ASPH: variants seen among roughly 807,000 people sequenced by gnomAD.
ASPH encodes the protein aspartate beta-hydroxylase.
In ASPH, 100 loss-of-function variants were observed where a neutral mutation model predicts 118.4. The ratio of observed to expected loss-of-function variants is 0.84; its 90% CI spans 0.72 to 1.00. The LOEUF is 1.00. ASPH is among the 50% of genes least tolerant of loss of function. The probability of loss-of-function intolerance (pLI) is 0.00; values close to 1 mark genes in which losing one functional copy is unlikely to be tolerated. For missense variants in ASPH, 920 were observed against 919.5 expected (o/e 1.00, Z -0.01); for synonymous variants, 315 against 325.6 (o/e 0.97, Z 0.35).
At chr8:61,611,973 T>G (rs1847517249) in intron 14 of ASPH, among the ~76,000 whole-genome samples, 1 of 151,346 alleles carries the variant, frequency 6.6e-6, no homozygotes, top group Non-Finnish European at 1.5e-5. Context: ...AATCCAGTTT[T>G]CAACCAAAAA....
At chr8:61,634,350 C>T (rs548912063) in intron 12 of ASPH, among the ~76,000 whole-genome samples, 1 of 152,204 alleles carries the variant, frequency 6.6e-6, no homozygotes, top group South Asian at 2.1e-4. Context: ...ATTACCTTAA[C>T]CTAGAGATAA....
At chr8:61,533,408 T>C (rs1218189768) in intron 21 of ASPH, among the ~76,000 whole-genome samples, 2 of 152,190 alleles carry the variant, frequency 1.3e-5, no homozygotes, top group African/African-American at 4.8e-5. Flanking sequence ...TATTATTTTG[T>C]TTTTCTTTTG....
intron 1 of ASPH, among the ~76,000 whole-genome samples, chr8:61,698,274 T>C (rs1834403651): frequency 6.6e-6 from 1 of 152,236 alleles, no homozygotes; most frequent in Non-Finnish European, 1.5e-5. Context: ...CATATTTGAA[T>C]ATAGTTTGAA....
intron 3 of ASPH, chr8:61,664,993 T>C (rs781024249): frequency 8.3e-6 from 10 of 1,204,606 alleles, no homozygotes; most frequent in Non-Finnish European, 7.2e-6. Context: ...ATGATACATA[T>C]ACATTTATCT....
At position 61,536,167 on chromosome 8, in the gene ASPH, G is replaced by A. The variant is rs898066119; in HGVS notation, c.1765-10055C>T. Among the ~76,000 whole-genome samples the A allele has an allele frequency of 3.3e-5, 5 of 151,246 alleles. No individual in the cohort carries two copies. In the Admixed American group the frequency reaches 3.3e-4, roughly 10 times the overall value. ...CAATTCTCCTGCCTCAGCCTCCCAA[G>A]TAGCTGGGATTACAGGTGCCCGCCA... is the stretch of plus-strand genomic sequence containing the variant. On this transcript the variant is annotated intron_variant, in intron 21 of 24. Coordinates refer to ENST00000379454, the MANE Select transcript of ASPH (RefSeq NM_004318.4).
rs766318594 is a variant in ASPH, at chr8:61,553,074, T to C, written c.1583A>G (p.Tyr528Cys). 6.2e-7 allele frequency: 1 copy of C among 1,613,726 alleles called. No individual in the cohort carries two copies. Among genetic ancestry groups the C allele is most frequent in the Non-Finnish European group, 8.5e-7 (1 of 1,179,714 alleles). The change falls in exon 20 of 25, where the codon TAT (tyrosine) becomes TGT (cysteine). Residue 528 changes from tyrosine to cysteine, a missense_variant. Coordinates refer to ENST00000379454, the MANE Select transcript of ASPH (RefSeq NM_004318.4). ...GDPGTDDGRF[Y>C]FHLGDAMQRV... is the part of the protein sequence containing the mutation. ...CTGCATGGCATCCCCCAGGTGGAAA[T>C]AAAATCTCCCATCATCAGTGCCAGG...
chr8:61,590,401 A>G (rs75147081), intron 14 of ASPH, among the ~76,000 whole-genome samples: 32 of 152,240 alleles, frequency 2.1e-4, no homozygotes, highest in African/African-American at 7.5e-4. Context: ...AGAGAGTGGA[A>G]AACTGTGGCT....
In ASPH at chr8:61,503,268, T is replaced by C; in HGVS notation, c.*91A>G. On this transcript the variant is annotated 3_prime_UTR_variant, in exon 25 of 25. Transcript: ENST00000379454. ...GGCTGCAAGTCAAGGGAATTGACTC[T>C]TGGTGTTCGAAATTCTATCCTCACA... 1.4e-6 allele frequency: 2 copies of C among 1,432,168 alleles called. No individual in the cohort carries two copies. The highest frequency in any genetic ancestry group is 4.9e-5 in the East Asian group (2 of 40,924). 88.7% of individuals were successfully genotyped at this position (1,432,168 alleles called of 1,614,324 possible).
intron 14 of ASPH, among the ~76,000 whole-genome samples, chr8:61,584,881 A>G (rs1299553036): frequency 6.6e-6 from 1 of 151,976 alleles, no homozygotes; most frequent in Non-Finnish European, 1.5e-5. Context: ...AAACGTGCCT[A>G]TCCTTCAACA....
intron 24 of ASPH, among the ~76,000 whole-genome samples, chr8:61,503,841 G>T (rs950119414): frequency 2.0e-5 from 3 of 152,164 alleles, no homozygotes; most frequent in Admixed American, 1.3e-4. Context: ...AGACATATGG[G>T]CAGTGACTGG....
intron 8 of ASPH, among the ~76,000 whole-genome samples, 184 bp from the exon 9 acceptor site, chr8:61,643,617 A>G (rs1806370380): frequency 6.6e-6 from 1 of 152,264 alleles, no homozygotes. Flanking sequence ...AAAAGATAGG[A>G]AAGAGTAGAA....
At chr8:61,691,828 C>T (rs1327537474) in intron 1 of ASPH, among the ~76,000 whole-genome samples, 1 of 152,318 alleles carries the variant, frequency 6.6e-6, no homozygotes, top group East Asian at 1.9e-4. Context: ...TTGATTCAAT[C>T]GTGACTAGTG....
At chr8:61,503,580 C>G in intron 24 of ASPH, 71 bp from the exon 25 acceptor site, 1 of 1,437,344 alleles carries the variant, frequency 7.0e-7, no homozygotes, top group Non-Finnish European at 9.4e-7. Flanking sequence ...CGATTCCTGT[C>G]CATGTGCGAG....
intron 24 of ASPH, among the ~76,000 whole-genome samples, chr8:61,514,252 G>C (rs934430396): frequency 4.0e-5 from 6 of 151,872 alleles, no homozygotes; most frequent in African/African-American, 1.2e-4. Flanking sequence ...TTCTGCATCA[G>C]GCTACTGAAG....
At chr8:61,682,546 T>C in intron 2 of ASPH, 1 of 1,457,728 alleles carries the variant, frequency 6.9e-7, no homozygotes, top group Non-Finnish European at 9.6e-7. Flanking sequence ...ACTTAAAGTG[T>C]CCTCTTTTAA....
intron 3 of ASPH, chr8:61,664,009 T>C (rs1352143050): frequency 2.3e-6 from 2 of 873,208 alleles, no homozygotes; most frequent in East Asian, 1.2e-4. Context: ...AATAAAATCT[T>C]AGTGGTAGCA....
intron 14 of ASPH, among the ~76,000 whole-genome samples, chr8:61,597,194 A>G (rs1842721879): frequency 1.0e-5 from 1 of 99,014 alleles, no homozygotes; most frequent in African/African-American, 3.0e-5. Flanking sequence ...TAATCCAGTC[A>G]GGAAAAAAAA....
intron 24 of ASPH, among the ~76,000 whole-genome samples, chr8:61,505,564 G>C (rs997956386): frequency 1.3e-5 from 2 of 151,336 alleles, no homozygotes; most frequent in South Asian, 4.2e-4. Flanking sequence ...CCAGCCATGT[G>C]GAACTGTAAG....
At chr8:61,567,890 G>A (rs1222270694) in intron 16 of ASPH, among the ~76,000 whole-genome samples, 3 of 152,226 alleles carry the variant, frequency 2.0e-5, no homozygotes, top group Non-Finnish European at 4.4e-5. Context: ...ATGGTAAGGA[G>A]TTGCTAATTT....
Sources: allele counts gnomAD v4.1 joint callset (sites outside exome capture counted in the v4.1 genomes callset), GRCh38; gene constraint gnomAD v4.1.1; transcripts MANE v1.5; gene names NCBI Gene and HGNC (gene_info 2026-07-23, HGNC 2026-07-21).